Variants in EML4 observed in about 807,000 individuals in gnomAD.
The protein encoded by EML4 is EMAP like 4, also known as echinoderm microtubule-associated protein-like 4.
A neutral mutation model predicts 129.0 loss-of-function variants in EML4; 72 were observed. The ratio of observed to expected loss-of-function variants is 0.56; its 90% CI spans 0.46 to 0.68. The LOEUF (loss-of-function observed/expected upper bound fraction) is 0.68. Ranked by LOEUF, EML4 falls within the 30% of genes least tolerant of loss-of-function variation. The pLI is 0.00. For synonymous variants in EML4, 532 were observed against 405.0 expected (o/e 1.31, Z -3.77); for missense variants, 1,363 against 1,190.6 (o/e 1.14, Z -2.13).
chr2:42,227,853 A>C (rs1357865106), intron 1 of EML4, among the ~76,000 whole-genome samples: 1 of 152,232 alleles, frequency 6.6e-6, no homozygotes, highest in East Asian at 1.9e-4. Flanking sequence ...AATATGTGTT[A>C]ATCAACTGTT....
chr2:42,258,916 T>G (rs1665531458), intron 3 of EML4, among the ~76,000 whole-genome samples: 1 of 152,246 alleles, frequency 6.6e-6, no homozygotes, highest in Admixed American at 6.5e-5. Flanking sequence ...ACTTGTTGAT[T>G]ATAATCGAAT....
At position 42,295,709 on chromosome 2, in the gene EML4, A is replaced by G. The variant is rs560635575; in HGVS notation, c.1489+193A>G. Among the ~76,000 whole-genome samples, 36 of 152,340 alleles carry G rather than the reference A, an allele frequency of 2.4e-4. 2 individuals are homozygous for G. The South Asian group carries it at 7.4e-3, about 32-fold the overall frequency. On this transcript the variant is annotated intron_variant, in intron 13 of 22. Transcript: ENST00000318522. The stretch of plus-strand genomic sequence containing the variant: ...TTATCCAGTTATTTATTAAGCTTAT[A>G]TAACCCACATTTGACTATACTGAAC...
chr2:42,261,950 C>A (rs910554123), intron 4 of EML4, among the ~76,000 whole-genome samples: 20 of 152,122 alleles, frequency 1.3e-4, no homozygotes. Flanking sequence ...TCTAAACCTG[C>A]ATGCTGGGAG....
chr2:42,288,293 C>A lies in EML4; in HGVS notation c.1189C>A (p.Gln397Lys). The A allele has an allele frequency of 6.4e-7, 1 of 1,569,942 alleles. No individual in the cohort carries two copies. The highest frequency in any genetic ancestry group is 8.7e-7 in the Non-Finnish European group (1 of 1,145,334). ...NEHMLTVWDW[Q>K]KKAKGAEIKT... Reference sequence around the variant, plus strand: ...GCATATGCTTACTGTATGGGACTGGCAGAAGAAAGCAAAAGGAGCAGAAAT... The same window carrying A: ...GCATATGCTTACTGTATGGGACTGGAAGAAGAAAGCAAAAGGAGCAGAAAT... The change falls in exon 11 of 23, where the codon CAG becomes AAG. Residue 397 changes from glutamine to lysine, a missense_variant. Coordinates refer to ENST00000318522, the MANE Select transcript of EML4 (RefSeq NM_019063.5).
At position 42,330,321 on chromosome 2, in the gene EML4, CAT is replaced by C. The variant is rs1670039898; in HGVS notation, c.*115_*116del. The C allele has an allele frequency of 3.1e-6, 3 of 967,294 alleles. No individual in the cohort carries two copies. The Admixed American group carries it at 5.9e-5, about 19-fold the overall frequency. 59.9% of individuals were successfully genotyped at this position (967,294 alleles called of 1,614,324 possible). On this transcript the variant is annotated 3_prime_UTR_variant, in exon 23 of 23. Transcript: ENST00000318522. ...CACTGTTGATTGAGATTTTGGTTTCCATGTGATTTGTTTTCTTCAATAGTCTT... is the reference window on the plus strand; with the variant it reads ...CACTGTTGATTGAGATTTTGGTTTCCGTGATTTGTTTTCTTCAATAGTCTT...
rs1010942986 is a variant in EML4 at position 42,304,595 on chromosome 2, T to C, written c.1967+44T>C. 2.2e-6 allele frequency: 3 copies of C among 1,390,850 alleles called. No homozygotes were observed. The African/African-American group carries it at 4.2e-5, about 20-fold the overall frequency. The allele number at this position is 1,390,850 out of a possible 1,614,324, so 86.2% of individuals were successfully genotyped here. A position where few individuals can be genotyped will look rare whatever the true frequency, so the allele number is the denominator to read the frequency against. On this transcript the variant is annotated intron_variant, in intron 17 of 22. Coordinates refer to ENST00000318522, the MANE Select transcript of EML4 (RefSeq NM_019063.5). Reference sequence around the variant, plus strand: ...CTGAGTAATCTGAAGTGGTGGGATGTTTAAATGCTATTCAGGAATGTTCTC... The same window carrying C: ...CTGAGTAATCTGAAGTGGTGGGATGCTTAAATGCTATTCAGGAATGTTCTC...
chr2:42,192,600 C>T (rs886744152), intron 1 of EML4, among the ~76,000 whole-genome samples: 2 of 151,890 alleles, frequency 1.3e-5, no homozygotes, highest in African/African-American at 4.8e-5. Context: ...TACTAGAGTC[C>T]TTTTATGAAA....
chr2:42,233,876 GTTTAT>G (rs1421724894), intron 1 of EML4, among the ~76,000 whole-genome samples: 1 of 152,118 alleles, frequency 6.6e-6, no homozygotes, highest in Non-Finnish European at 1.5e-5. Flanking sequence ...TATACACATT[GTTTAT>G]TTTATTTCCT....
intron 21 of EML4, among the ~76,000 whole-genome samples, chr2:42,326,849 T>G (rs894143327): frequency 4.6e-5 from 7 of 152,196 alleles, no homozygotes; most frequent in Non-Finnish European, 8.8e-5. Context: ...GCCACTGCAC[T>G]CCAGCCTGGG....
At chr2:42,234,612 A>G (rs1301958206) in intron 1 of EML4, among the ~76,000 whole-genome samples, 1 of 152,192 alleles carries the variant, frequency 6.6e-6, no homozygotes, top group Non-Finnish European at 1.5e-5. Flanking sequence ...TGTGATAAAC[A>G]TTTGCCTACA....
At chr2:42,323,211 G>T (rs766343930) in intron 19 of EML4, among the ~76,000 whole-genome samples, 4 of 152,146 alleles carry the variant, frequency 2.6e-5, no homozygotes, top group Non-Finnish European at 4.4e-5. Context: ...CTTCATCCAC[G>T]TAGCAAGTTT....
intron 1 of EML4, among the ~76,000 whole-genome samples, chr2:42,189,176 A>AT (rs1430150677): frequency 6.6e-6 from 1 of 152,168 alleles, no homozygotes; most frequent in African/African-American, 2.4e-5. Context: ...CACGAGCCTT[A>AT]TTTTTAAAAC....
chr2:42,172,399 G>C (rs1467744153), intron 1 of EML4, among the ~76,000 whole-genome samples: 1 of 152,014 alleles, frequency 6.6e-6, no homozygotes, highest in East Asian at 1.9e-4. Context: ...ATTAAGACTA[G>C]GTAGTGGTTT....
intron 1 of EML4, among the ~76,000 whole-genome samples, chr2:42,217,717 A>G (rs17029349): frequency 0.28 from 42,910 of 152,030 alleles, 6,644 homozygotes; most frequent in East Asian, 0.56. Flanking sequence ...AGGTAATTTG[A>G]ACTACATTGC....
At chr2:42,292,300 T>C (rs568287652) in intron 11 of EML4, among the ~76,000 whole-genome samples, 2 of 152,296 alleles carry the variant, frequency 1.3e-5, no homozygotes, top group Admixed American at 6.5e-5. Flanking sequence ...TCGGCAGAAA[T>C]ATATACATGT....
chr2:42,323,529 A>G (rs1159546773), intron 19 of EML4, among the ~76,000 whole-genome samples: 1 of 152,210 alleles, frequency 6.6e-6, no homozygotes, highest in Non-Finnish European at 1.5e-5. Context: ...GGCTCCAGAA[A>G]GGTTTGGGGA....
At position 42,329,760 on chromosome 2, in the gene EML4, C is replaced by T; in HGVS notation, c.2499C>T (p.His833=). 1 of 1,614,084 alleles carries T rather than the reference C, an allele frequency of 6.2e-7. No individual in the cohort carries two copies. Among genetic ancestry groups the T allele is most frequent in the East Asian group, 2.2e-5 (1 of 44,886 alleles). Residue 833 remains histidine (H), a synonymous_variant, in exon 23 of 23, where the codon CAC becomes CAT. Coordinates refer to ENST00000318522, the MANE Select transcript of EML4 (RefSeq NM_019063.5). ...CTCCCAGTCACAAGTACAGTGCCCACAGCAGCCATGTCACCAATGTCAGTT... is the reference window on the plus strand; with the variant it reads ...CTCCCAGTCACAAGTACAGTGCCCATAGCAGCCATGTCACCAATGTCAGTT... ...AKAPSHKYSA[H]SSHVTNVSFT... is the part of the protein sequence containing the mutation.
intron 13 of EML4, among the ~76,000 whole-genome samples, chr2:42,296,194 C>T (rs1027777385): frequency 3.3e-5 from 5 of 151,968 alleles, no homozygotes; most frequent in South Asian, 2.1e-4. Context: ...CCATGTACTT[C>T]CTTCAGAGTA....
chr2:42,183,126 A>C (rs867748303), intron 1 of EML4, among the ~76,000 whole-genome samples: 2 of 152,170 alleles, frequency 1.3e-5, no homozygotes, highest in Admixed American at 6.5e-5. Context: ...CTGAGCTCCA[A>C]CCTGGGTGAC....
Sources: gnomAD v4.1 joint callset for allele counts (sites outside exome capture counted in the v4.1 genomes callset) on GRCh38, gnomAD v4.1.1 for gene constraint, MANE v1.5 for transcripts, NCBI Gene and HGNC (gene_info 2026-07-23, HGNC 2026-07-21) for gene names.